PRKG1: variants seen among roughly 807,000 people sequenced by gnomAD.
PRKG1 encodes the protein cGMP-dependent protein kinase 1.
A neutral mutation model predicts 88.1 loss-of-function variants in PRKG1; 35 were observed. The ratio of observed to expected loss-of-function variants is 0.40; its 90% CI spans 0.30 to 0.53. PRKG1 has a LOEUF of 0.53. Ranked by LOEUF, PRKG1 falls within the 20% of genes least tolerant of loss-of-function variation. The probability of loss-of-function intolerance (pLI) is 0.59; values close to 1 mark genes in which losing one functional copy is unlikely to be tolerated. For missense variants in PRKG1, 540 were observed against 839.8 expected (o/e 0.64, Z 4.41); for synonymous variants, 303 against 292.5 (o/e 1.04, Z -0.37).
chr10:51,107,766 G>A (rs191366694), intron 1 of PRKG1, among the ~76,000 whole-genome samples: 97 of 134,392 alleles, frequency 7.2e-4, no homozygotes, highest in Middle Eastern at 4.3e-3. Context: ...CGCAGTTTCA[G>A]TGAGCCATGA....
chr10:52,039,095 G>C (rs1428281683), intron 5 of PRKG1, among the ~76,000 whole-genome samples: 1 of 152,158 alleles, frequency 6.6e-6, no homozygotes, highest in African/African-American at 2.4e-5. Context: ...CCCCCGATCC[G>C]AGTCACGGCA....
intron 5 of PRKG1, among the ~76,000 whole-genome samples, chr10:51,928,207 G>T (rs1168713709): frequency 1.3e-5 from 2 of 152,078 alleles, no homozygotes; most frequent in Non-Finnish European, 2.9e-5. Flanking sequence ...GAACAATTAT[G>T]GTACACTCTG....
At chr10:51,117,106 G>A (rs193181871) in intron 1 of PRKG1, among the ~76,000 whole-genome samples, 4 of 152,294 alleles carry the variant, frequency 2.6e-5, no homozygotes, top group African/African-American at 9.6e-5. Context: ...TAATATTTCT[G>A]TATTGTAATG....
intron 3 of PRKG1, among the ~76,000 whole-genome samples, chr10:51,702,797 A>G (rs1353828075): frequency 6.6e-6 from 1 of 152,106 alleles, no homozygotes; most frequent in Non-Finnish European, 1.5e-5. Context: ...CCTGAGCTCA[A>G]GCAATTCTCC....
At chr10:51,970,800 T>C (rs1233349536) in intron 5 of PRKG1, among the ~76,000 whole-genome samples, 1 of 140,726 alleles carries the variant, frequency 7.1e-6, no homozygotes, top group Non-Finnish European at 1.5e-5. Flanking sequence ...ATTATATATA[T>C]ATATCAGATG....
rs58710266 is a variant in PRKG1, at chr10:51,554,421, C to CGT, written c.592+86606_592+86607dup. Among the ~76,000 whole-genome samples the CGT allele has an allele frequency of 9.4e-3, 1,353 of 143,322 alleles. 24 individuals carry two copies. The highest frequency in any genetic ancestry group is 0.026 in the African/African-American group (1,036 of 39,354). 94.0% of individuals were successfully genotyped at this position (143,322 alleles called of 152,430 possible). On this transcript the variant is annotated intron_variant, in intron 3 of 17. Transcript: ENST00000373980. ...TATATAAAAATATATGTATATTTAT[C>CGT]GTGTGTGTGTGTGTGTGTGTGTATA...
chr10:51,458,508 A>G (rs1839654802), intron 2 of PRKG1, among the ~76,000 whole-genome samples: 1 of 152,138 alleles, frequency 6.6e-6, no homozygotes, highest in African/African-American at 2.4e-5. Context: ...ATATTAACAG[A>G]AAGCTTCATC....
intron 9 of PRKG1, among the ~76,000 whole-genome samples, chr10:52,206,097 A>ATTTTTTTTTTTTTTTTTTTTTTTT (rs1839812962): frequency 2.2e-5 from 1 of 46,210 alleles, no homozygotes; most frequent in African/African-American, 5.0e-5. Context: ...ATATTTGTTC[A>ATTTTTTTTTTTTTTTTTTTTTTTT]TTCTTTTTAA....
intron 2 of PRKG1, among the ~76,000 whole-genome samples, chr10:51,426,103 C>T (rs1424239697): frequency 6.6e-6 from 1 of 152,080 alleles, no homozygotes; most frequent in Non-Finnish European, 1.5e-5. Context: ...TGGTGAAACC[C>T]TATCTCTATT....
In PRKG1 at chr10:52,161,873, T is replaced by A; in HGVS notation, c.1002-16T>A. The stretch of plus-strand genomic sequence containing the variant: ...TTTTGTAGAAGATTAATCACTGTGC[T>A]TTTTTCGTCTGACAGCTCTTTTAAA... On this transcript the variant is annotated splice_polypyrimidine_tract_variant and intron_variant, in intron 8 of 17. Coordinates refer to ENST00000373980, the MANE Select transcript of PRKG1 (RefSeq NM_006258.4). 5.0e-6 allele frequency: 8 copies of A among 1,610,970 alleles called. No individual in the cohort carries two copies. Among genetic ancestry groups the A allele is most frequent in the Non-Finnish European group, 6.8e-6 (8 of 1,178,196 alleles).
At chr10:52,246,546 C>T (rs750579561) in intron 9 of PRKG1, among the ~76,000 whole-genome samples, 2 of 152,000 alleles carry the variant, frequency 1.3e-5, no homozygotes, top group African/African-American at 4.8e-5. Context: ...CTTTGTTACT[C>T]CTTAGTTCTT....
chr10:51,274,120 A>G (rs1840053450), intron 2 of PRKG1, among the ~76,000 whole-genome samples: 1 of 152,124 alleles, frequency 6.6e-6, no homozygotes, highest in African/African-American at 2.4e-5. Flanking sequence ...AATATTTATG[A>G]CACCTTCCTG....
chr10:51,858,454 G>A (rs867851487), intron 4 of PRKG1, among the ~76,000 whole-genome samples: 5 of 100,540 alleles, frequency 5.0e-5, no homozygotes, highest in African/African-American at 1.4e-4. Flanking sequence ...ATCATTACCT[G>A]AATAAAGTTC....
intron 2 of PRKG1, among the ~76,000 whole-genome samples, chr10:51,266,133 G>A (rs923750514): frequency 6.6e-5 from 10 of 152,314 alleles, no homozygotes; most frequent in African/African-American, 2.4e-4. Flanking sequence ...ATAGAATGCA[G>A]CTCTGGGAAC....
intron 3 of PRKG1, among the ~76,000 whole-genome samples, chr10:51,712,294 T>G (rs1841772582): frequency 6.6e-6 from 1 of 152,182 alleles, no homozygotes; most frequent in Non-Finnish European, 1.5e-5. Context: ...ATGACTTGCT[T>G]CAGGGGAAGA....
intron 5 of PRKG1, among the ~76,000 whole-genome samples, chr10:52,006,820 A>G (rs1266252264): frequency 6.6e-6 from 1 of 152,188 alleles, no homozygotes; most frequent in Non-Finnish European, 1.5e-5. Context: ...AAGTGACATA[A>G]TGATTACATT....
chr10:51,373,143 A>AT (rs1441762949), intron 2 of PRKG1, among the ~76,000 whole-genome samples: 5 of 152,208 alleles, frequency 3.3e-5, no homozygotes. Flanking sequence ...ATAGTGGTTT[A>AT]AAATAGAGAT....
chr10:52,066,825 A>G lies in PRKG1; in HGVS notation c.935+4194A>G, dbSNP rs562425228. On this transcript the variant is annotated intron_variant, in intron 7 of 17. Transcript: ENST00000373980. ...TGTAAACCAACAGACCATTTCTGCA[A>G]ACTCTTTGGCGTGTGGATGCCATTT... is the stretch of plus-strand genomic sequence containing the variant. Among the ~76,000 whole-genome samples the G allele has an allele frequency of 7.1e-4, 108 of 152,354 alleles. 1 individual carries two copies. Among genetic ancestry groups the G allele is most frequent in the African/African-American group, 2.4e-3 (101 of 41,584 alleles).
chr10:51,451,622 G>A (rs293265), intron 2 of PRKG1, among the ~76,000 whole-genome samples: 1 of 151,744 alleles, frequency 6.6e-6, no homozygotes, highest in African/African-American at 2.4e-5. Flanking sequence ...TATCAGAATT[G>A]CATCCAATAA....
Sources: allele counts gnomAD v4.1 joint callset (sites outside exome capture counted in the v4.1 genomes callset), GRCh38; gene constraint gnomAD v4.1.1; transcripts MANE v1.5; gene names NCBI Gene and HGNC (gene_info 2026-07-23, HGNC 2026-07-21).